The following AFDN variants were observed in gnomAD, a reference collection of about 807,000 sequenced individuals.
AFDN encodes afadin.
AFDN carries 68 observed loss-of-function variants against 216.6 expected under a neutral mutation model. The ratio of observed to expected loss-of-function variants is 0.31; its 90% confidence interval spans 0.26 to 0.38. The LOEUF is 0.38. Among genes scored for constraint, AFDN ranks in the 10% least tolerant of loss-of-function variants. The probability of loss-of-function intolerance (pLI) is 1.00; values close to 1 mark genes in which losing one functional copy is unlikely to be tolerated. For synonymous variants in AFDN, 868 were observed against 853.7 expected, an observed-to-expected ratio of 1.02 and a Z score of -0.29; for missense variants, 2,136 against 2,342.0, an observed-to-expected ratio of 0.91 and a Z score of 1.82.
intron 10 of AFDN, among the ~76,000 whole-genome samples, chr6:167,897,642 C>CTTTTTTTTTTTTTTTT (rs57383020): frequency 2.2e-5 from 2 of 89,726 alleles, no homozygotes; most frequent in African/African-American, 5.1e-5. Context: ...GACTGTATGC[C>CTTTTTTTTTTTTTTTT]TTTTTTTTTT....
chr6:167,881,840 C>G (rs903988793), intron 6 of AFDN, among the ~76,000 whole-genome samples: 2 of 152,174 alleles, frequency 1.3e-5, no homozygotes, highest in Admixed American at 6.5e-5. Context: ...TTATGGATCC[C>G]TCTCAGAAGG....
At chr6:167,934,200 G>GT (rs1389039796) in intron 23 of AFDN, among the ~76,000 whole-genome samples, 1 of 152,194 alleles carries the variant, frequency 6.6e-6, no homozygotes, top group East Asian at 1.9e-4. Flanking sequence ...TATGGAGAGG[G>GT]AAGAGATAGA....
chr6:167,899,391 C>T (rs759874530), intron 11 of AFDN, among the ~76,000 whole-genome samples: 1 of 152,298 alleles, frequency 6.6e-6, no homozygotes, highest in Non-Finnish European at 1.5e-5. Context: ...CTCCCTGCTT[C>T]CCAAGAAAAT....
Position 167,962,589 on chromosome 6 carries a change from C to T in AFDN, c.4968+22C>T. 6.2e-7 allele frequency: 1 copy of T among 1,613,810 alleles called. No homozygotes were observed. Among genetic ancestry groups the T allele is most frequent in the Non-Finnish European group, 8.5e-7 (1 of 1,179,758 alleles). ...AAAGGTTATGGTCCTTTAAGGGCAGCTAGAATTTTACCAAGTTAGCCTGAA... is the reference window on the plus strand; with the variant it reads ...AAAGGTTATGGTCCTTTAAGGGCAGTTAGAATTTTACCAAGTTAGCCTGAA... On this transcript the variant is annotated intron_variant, in intron 31 of 33. Transcript: ENST00000683244. This position sits in a 1 kb window ranked among gnomAD's most constrained non-coding sequence, Gnocchi z 5.2.
chr6:167,917,026 G>A (rs1408004905), intron 19 of AFDN, 63 bp from the exon 20 acceptor site: 1 of 1,397,208 alleles, frequency 7.2e-7, no homozygotes, highest in Non-Finnish European at 9.9e-7. Context: ...ATTACATAAA[G>A]GATAATATTT....
At chr6:167,925,205 T>C in intron 23 of AFDN, 114 bp downstream of exon 23, 2 of 735,668 alleles carry the variant, frequency 2.7e-6, no homozygotes, top group African/African-American at 1.7e-5. Context: ...ACGTGCCTGT[T>C]CAGTTCTGTT....
chr6:167,913,323 G>T lies in AFDN; in HGVS notation c.2038-80G>T. On this transcript the variant is annotated intron_variant, in intron 15 of 33. Transcript: ENST00000683244. ...TGTCGTACCTTCATATTAGTGTTTT[G>T]ATTTTTTTAAACTATCATGATTGTT... The T allele has an allele frequency of 2.2e-6, 3 of 1,393,246 alleles. No individual in the cohort carries two copies. In the South Asian group the frequency reaches 3.7e-5, roughly 17 times the overall value. 86.3% of individuals were successfully genotyped at this position (1,393,246 alleles called of 1,614,324 possible).
At chr6:167,835,958 A>G (rs957447472) in intron 1 of AFDN, among the ~76,000 whole-genome samples, 6 of 152,238 alleles carry the variant, frequency 3.9e-5, no homozygotes, top group African/African-American at 1.4e-4. Context: ...TAAACGTATA[A>G]TATTTAAAAT....
At chr6:167,908,354 T>A (rs1353023616) in intron 13 of AFDN, among the ~76,000 whole-genome samples, 2 of 152,124 alleles carry the variant, frequency 1.3e-5, no homozygotes, top group Non-Finnish European at 2.9e-5. Context: ...AGGTTTTAAC[T>A]TTATTTTTAT....
intron 13 of AFDN, among the ~76,000 whole-genome samples, chr6:167,908,966 G>A (rs567898485): frequency 2.0e-5 from 3 of 152,112 alleles, no homozygotes; most frequent in East Asian, 3.9e-4. Context: ...TTGAATGGAG[G>A]GGACGACTTT....
intron 3 of AFDN, 29 bp from the exon 4 acceptor site, chr6:167,872,185 C>T (rs1427045366): frequency 6.3e-7 from 1 of 1,593,966 alleles, no homozygotes; most frequent in African/African-American, 1.4e-5. Context: ...GCATAGTAGT[C>T]AATATGGTGA....
chr6:167,878,586 A>ACTCT (rs372904036), intron 5 of AFDN, among the ~76,000 whole-genome samples: 3 of 139,434 alleles, frequency 2.2e-5, no homozygotes, highest in Non-Finnish European at 4.7e-5. Context: ...ACACACACCC[A>ACTCT]CTCTCTCTCT....
intron 26 of AFDN, among the ~76,000 whole-genome samples, chr6:167,946,143 G>A (rs1047437902): frequency 6.6e-6 from 1 of 152,334 alleles, no homozygotes; most frequent in East Asian, 1.9e-4. Context: ...TTTATGTCAC[G>A]TAGAACTTAA....
chr6:167,876,930 G>A (rs1785455846), intron 5 of AFDN, among the ~76,000 whole-genome samples: 1 of 152,154 alleles, frequency 6.6e-6, no homozygotes, highest in Admixed American at 6.5e-5. Context: ...TAGGGGTTTA[G>A]AAGGCTTTCA....
At chr6:167,856,843 G>A (rs1057229990) in intron 1 of AFDN, among the ~76,000 whole-genome samples, 1 of 152,012 alleles carries the variant, frequency 6.6e-6, no homozygotes, top group African/African-American at 2.4e-5. Context: ...TATTTATTAA[G>A]CCTGTTTTAT....
chr6:167,903,497 GT>G (rs2128414614), intron 12 of AFDN, among the ~76,000 whole-genome samples: 1 of 152,278 alleles, frequency 6.6e-6, no homozygotes, highest in South Asian at 2.1e-4. Flanking sequence ...ACACAACCCC[GT>G]TTCCTCCACC....
intron 9 of AFDN, among the ~76,000 whole-genome samples, chr6:167,895,487 T>C (rs1788123890): frequency 6.6e-6 from 1 of 152,202 alleles, no homozygotes; most frequent in Non-Finnish European, 1.5e-5. Context: ...GAACAATTTC[T>C]TAATGGGTGT....
In AFDN at chr6:167,864,908, G is replaced by A. The variant is rs763772794; in HGVS notation, c.301+162G>A. Reference sequence around the variant, plus strand: ...TGGCAGGCTGAGAAAACTGTTTTATGTCTGGGAAGTGTTCTTATAAATCCC... The same window carrying A: ...TGGCAGGCTGAGAAAACTGTTTTATATCTGGGAAGTGTTCTTATAAATCCC... On this transcript the variant is annotated intron_variant, in intron 2 of 33. Transcript: ENST00000683244. 5 of 790,610 alleles carry A rather than the reference G, an allele frequency of 6.3e-6. No homozygotes were observed. The Admixed American group carries it at 6.8e-5, about 11-fold the overall frequency. The allele number at this position is 790,610 out of a possible 1,614,324, so 49.0% of individuals were successfully genotyped here. A position where few individuals can be genotyped will look rare whatever the true frequency, so the allele number is the denominator to read the frequency against.
chr6:167,869,504 C>T (rs148372095), intron 2 of AFDN, among the ~76,000 whole-genome samples: 153 of 152,266 alleles, frequency 1.0e-3, no homozygotes, highest in Non-Finnish European at 1.5e-3. Context: ...TTTCTCCGAG[C>T]GACAAGGAGA....
Sources: allele counts gnomAD v4.1 joint callset (sites outside exome capture counted in the v4.1 genomes callset), GRCh38; gene constraint gnomAD v4.1.1; non-coding constraint Gnocchi (gnomAD v3.1); transcripts MANE v1.5; gene names NCBI Gene and HGNC (gene_info 2026-07-23, HGNC 2026-07-21).